The following RBFOX1 variants were observed in gnomAD, a reference collection of about 807,000 sequenced individuals.
RBFOX1 encodes RNA binding protein fox-1 homolog 1.
In RBFOX1, 8 loss-of-function variants were observed where a neutral mutation model predicts 57.7. The observed-to-expected ratio is 0.14, with a 90% confidence interval of 0.08 to 0.25. The LOEUF (loss-of-function observed/expected upper bound fraction) is 0.25, where lower values mean the gene tolerates loss of function less well. RBFOX1 is among the 10% of genes least tolerant of loss of function. The pLI is 1.00. For synonymous variants in RBFOX1, 326 were observed against 222.4 expected (o/e 1.47, Z -4.15); for missense variants, 611 against 548.5 (o/e 1.11, Z -1.14).
intron 1 of RBFOX1, among the ~76,000 whole-genome samples, chr16:6,148,018 CA>C (rs2096771374): frequency 6.6e-6 from 1 of 152,196 alleles, no homozygotes; most frequent in South Asian, 2.1e-4. Context: ...TGGCAGAAGC[CA>C]AAGGCTGGTT....
chr16:5,354,293 C>G (rs1289735947), intron 1 of RBFOX1, among the ~76,000 whole-genome samples: 1 of 152,058 alleles, frequency 6.6e-6, no homozygotes, highest in East Asian at 1.9e-4. Flanking sequence ...GGTTGGACCA[C>G]TTTTTTTTCT....
chr16:6,524,121 C>T (rs2096546217), intron 2 of RBFOX1, among the ~76,000 whole-genome samples: 1 of 152,150 alleles, frequency 6.6e-6, no homozygotes, highest in African/African-American at 2.4e-5. Context: ...TACCCATTAA[C>T]CACCCTTATT....
chr16:5,984,479 T>A (rs1197787866), intron 4 of RBFOX1, among the ~76,000 whole-genome samples: 7 of 151,990 alleles, frequency 4.6e-5, no homozygotes. Context: ...CAGTGAACTG[T>A]CAAGTCCTGA....
chr16:6,880,331 G>T (rs1027020075), intron 3 of RBFOX1, among the ~76,000 whole-genome samples: 4 of 152,194 alleles, frequency 2.6e-5, no homozygotes, highest in Non-Finnish European at 2.9e-5. Context: ...AGCCTCTGTT[G>T]TTCCTGACCA....
At chr16:6,533,614 T>G (rs949705939) in intron 2 of RBFOX1, among the ~76,000 whole-genome samples, 4 of 152,030 alleles carry the variant, frequency 2.6e-5, no homozygotes, top group African/African-American at 9.7e-5. Flanking sequence ...AAAGCACCAG[T>G]GCAATTTGAG....
At chr16:5,605,022 C>T (rs976696760), downstream of RBFOX1, among the ~76,000 whole-genome samples, 1 of 152,218 alleles carries the variant, frequency 6.6e-6, no homozygotes, top group Non-Finnish European at 1.5e-5. Flanking sequence ...CTACAGCCCG[C>T]GCACACACAC....
intron 1 of RBFOX1, among the ~76,000 whole-genome samples, chr16:5,266,744 A>G (rs904973609): frequency 1.3e-5 from 2 of 150,732 alleles, no homozygotes; most frequent in East Asian, 2.0e-4. Context: ...TTTTGCAGAG[A>G]GGGGGGGTCT....
intron 3 of RBFOX1, among the ~76,000 whole-genome samples, chr16:5,612,203 C>T (rs1472669710): frequency 1.0e-5 from 1 of 95,568 alleles, no homozygotes; most frequent in African/African-American, 4.0e-5. Context: ...ATTCATTCTC[C>T]CCTCCACTCT....
intron 3 of RBFOX1, among the ~76,000 whole-genome samples, chr16:5,818,199 GGTTTCT>G (rs765152987): frequency 6.6e-6 from 1 of 152,146 alleles, no homozygotes; most frequent in Non-Finnish European, 1.5e-5. Flanking sequence ...TGTGTTAGGA[GGTTTCT>G]GTATCTGACT....
Position 6,664,116 on chromosome 16 carries a change from T to C in RBFOX1, c.-16+9466T>C, listed in dbSNP as rs17140882. Reference sequence around the variant, plus strand: ...AGTCTACTTGCTCATAGATCATGTTTATGTATGACCTTTCAGACTTCTGTC... The same window carrying C: ...AGTCTACTTGCTCATAGATCATGTTCATGTATGACCTTTCAGACTTCTGTC... On this transcript the variant is annotated intron_variant, in intron 3 of 15. Coordinates refer to ENST00000550418, the MANE Select transcript of RBFOX1 (RefSeq NM_018723.4). 5.9e-3 allele frequency among the ~76,000 whole-genome samples: 905 copies of C among 152,312 alleles called. 9 individuals are homozygous for C. Among genetic ancestry groups the C allele is most frequent in the African/African-American group, 0.02 (846 of 41,570 alleles).
intron 3 of RBFOX1, among the ~76,000 whole-genome samples, chr16:6,902,845 C>T (rs755584680): frequency 1.3e-5 from 2 of 152,178 alleles, no homozygotes; most frequent in Non-Finnish European, 2.9e-5. Flanking sequence ...TCCATCTGTT[C>T]ATTTATTTAT....
chr16:5,377,502 C>G (rs766756584), intron 1 of RBFOX1, among the ~76,000 whole-genome samples: 1 of 143,076 alleles, frequency 7.0e-6, no homozygotes. Flanking sequence ...AAGTTGAAGG[C>G]TAGTATGGGT....
intron 2 of RBFOX1, among the ~76,000 whole-genome samples, chr16:6,482,633 C>G (rs1332000791): frequency 6.6e-6 from 1 of 152,206 alleles, no homozygotes; most frequent in Non-Finnish European, 1.5e-5. Context: ...AGCGCATTCT[C>G]ATTTAGTACG....
intron 3 of RBFOX1, among the ~76,000 whole-genome samples, chr16:5,837,763 T>G (rs535936404): frequency 6.6e-6 from 1 of 152,306 alleles, no homozygotes; most frequent in Non-Finnish European, 1.5e-5. Flanking sequence ...TATATAACGT[T>G]GGCTTTCCCA....
In RBFOX1 at chr16:6,028,509, TAA is replaced by T. The variant is rs36218292; in HGVS notation, c.-127+8541_-127+8542del. On this transcript the variant is annotated intron_variant, in intron 1 of 15. Transcript: ENST00000550418. ...CAACATAATGAGACCCTGTCTCTGTTAAAAAAAAAAAAAAAAAAAAAAAAATT... is the reference window on the plus strand; with the variant it reads ...CAACATAATGAGACCCTGTCTCTGTTAAAAAAAAAAAAAAAAAAAAAAATT... 1.0e-2 allele frequency among the ~76,000 whole-genome samples: 1,042 copies of T among 104,490 alleles called. 17 individuals carry two copies. Among genetic ancestry groups the T allele is most frequent in the African/African-American group, 0.025 (721 of 28,636 alleles). The allele number at this position is 104,490 out of a possible 152,430, so 68.5% of individuals were successfully genotyped here.
chr16:5,664,545 TA>T (rs969583191), intron 3 of RBFOX1, among the ~76,000 whole-genome samples: 17 of 145,142 alleles, frequency 1.2e-4, no homozygotes, highest in Middle Eastern at 3.5e-3. Flanking sequence ...GACTCCTTCT[TA>T]AAAAAAAAAA....
At chr16:6,307,221 A>T (rs2079616920) in intron 1 of RBFOX1, among the ~76,000 whole-genome samples, 1 of 152,124 alleles carries the variant, frequency 6.6e-6, no homozygotes, top group Middle Eastern at 3.2e-3. Context: ...CTGCAAGTAA[A>T]GTGCCTAGTA....
At chr16:7,425,079 T>C (rs887826289) in intron 4 of RBFOX1, among the ~76,000 whole-genome samples, 9 of 152,210 alleles carry the variant, frequency 5.9e-5, no homozygotes, top group African/African-American at 1.4e-4. Flanking sequence ...CAAGTACTCA[T>C]TTTTTAAAAT....
At chr16:7,698,494 A>C (rs966816495) in intron 14 of RBFOX1, among the ~76,000 whole-genome samples, 88 of 152,242 alleles carry the variant, frequency 5.8e-4, no homozygotes, top group African/African-American at 2.0e-3. Context: ...AGGAGGTGTC[A>C]CCAGCGCCTT....
Sources: gnomAD v4.1 joint callset for allele counts (sites outside exome capture counted in the v4.1 genomes callset) on GRCh38, gnomAD v4.1.1 for gene constraint, MANE v1.5 for transcripts, NCBI Gene and HGNC (gene_info 2026-07-23, HGNC 2026-07-21) for gene names.